SETX: variants seen among roughly 807,000 people sequenced by gnomAD.
SETX encodes senataxin.
A neutral mutation model predicts 227.2 loss-of-function variants in SETX; 90 were observed. The ratio of observed to expected loss-of-function variants is 0.40; its 90% confidence interval spans 0.33 to 0.47. The LOEUF is 0.47. Ranked by LOEUF, SETX falls within the 20% of genes least tolerant of loss-of-function variation. The pLI, the probability that SETX is intolerant of heterozygous loss-of-function variation, is 0.91. For synonymous variants in SETX, 1,210 were observed against 1,113.2 expected (o/e 1.09, Z -1.73); for missense variants, 3,052 against 3,181.5 (o/e 0.96, Z 0.98).
At chr9:132,355,155 C>A (rs1848847216), upstream of SETX, among the ~76,000 whole-genome samples, 1 of 152,126 alleles carries the variant, frequency 6.6e-6, no homozygotes, top group Non-Finnish European at 1.5e-5. Flanking sequence ...CCACGCCGGG[C>A]GCTGGCGTCA....
At chr9:132,319,809 G>C (rs1040480094) in intron 10 of SETX, among the ~76,000 whole-genome samples, 1 of 152,106 alleles carries the variant, frequency 6.6e-6, no homozygotes, top group African/African-American at 2.4e-5. Flanking sequence ...CACAGAAATA[G>C]AGCCATCTCC....
chr9:132,330,385 T>C lies in SETX; in HGVS notation c.1213A>G (p.Asn405Asp), dbSNP rs747954079. ...SDIGQDMRVH[N>D]STFLWFIPFV... The stretch of plus-strand genomic sequence containing the variant: ...GGGATGAACCATAGAAATGTGCTGT[T>C]ATGAACACGCATGTCTTGACCAATA... Residue 405 changes from asparagine to aspartate, a missense_variant, in exon 10 of 26, where the codon AAC (asparagine) becomes GAC (aspartate). Asn to Asp is a conservative substitution (Grantham distance 23). This residue lies in a region of SETX where 39 missense variants were observed against 84.8 expected (regional missense o/e 0.46). Coordinates refer to ENST00000224140, the MANE Select transcript of SETX (RefSeq NM_015046.7). 6.2e-7 allele frequency: 1 copy of C among 1,614,176 alleles called. No homozygotes were observed. The highest frequency in any genetic ancestry group is 2.2e-5 in the East Asian group (1 of 44,882).
At chr9:132,274,588 C>A (rs1018724834) in intron 23 of SETX, among the ~76,000 whole-genome samples, 1 of 151,734 alleles carries the variant, frequency 6.6e-6, no homozygotes, top group Non-Finnish European at 1.5e-5. Flanking sequence ...ACTACGGGAG[C>A]GCGCCACCAC....
Position 132,329,197 on chromosome 9 carries a change from T to C in SETX, c.2401A>G (p.Lys801Glu), listed in dbSNP as rs149718424. The change falls in exon 10 of 26, where the codon AAG becomes GAG. Residue 801 changes from lysine (K) to glutamate (E), a missense_variant. Transcript: ENST00000224140. ...ATAGTATTATCGACCAAAGTACTCT[T>C]CCTGTGTTGCTTCTTTATTACATGT... ...LSHVIKKQHR[K>E]STLVDNTINL... is the part of the protein sequence containing the mutation. The C allele has an allele frequency of 3.9e-4, 623 of 1,613,712 alleles. 3 individuals carry two copies. In the African/African-American group the frequency reaches 6.6e-3, roughly 17 times the overall value.
intron 15 of SETX, among the ~76,000 whole-genome samples, chr9:132,293,745 G>A (rs1020734250): frequency 1.3e-5 from 2 of 152,120 alleles, no homozygotes; most frequent in African/African-American, 4.8e-5. Flanking sequence ...AAATAAGGCT[G>A]GACGTGGTGG....
In SETX at chr9:132,330,472, G is replaced by A; in HGVS notation, c.1126C>T (p.Pro376Ser). Reference protein sequence around the residue: ...KDSGWRTAICPDYCPNMYEEM... With the variant: ...KDSGWRTAICSDYCPNMYEEM... ...TCATACATGTTAGGACAATAATCTG[G>A]GCAAATGGCTGTTCTCCATCCAGAA... The change falls in exon 10 of 26, where the codon CCA becomes TCA. Residue 376 changes from proline (P) to serine (S), a missense_variant. By Grantham distance (74) the Pro-to-Ser change is moderately conservative (BLOSUM62 -1). Around this residue, in one of 10 missense-constraint regions of SETX, gnomAD observed 39 missense variants for 84.8 expected, o/e 0.46. Transcript: ENST00000224140. 1 of 1,613,338 alleles carries A rather than the reference G, an allele frequency of 6.2e-7. No homozygotes were observed. Among genetic ancestry groups the A allele is most frequent in the Non-Finnish European group, 8.5e-7 (1 of 1,179,966 alleles).
chr9:132,336,564 A>G (rs999014184), intron 5 of SETX, 49 bp from the exon 6 acceptor site: 2 of 1,292,758 alleles, frequency 1.5e-6, no homozygotes, highest in South Asian at 1.2e-5. Context: ...AATGGTCTAC[A>G]AACAGCAAGA....
At chr9:132,345,120 T>C (rs1010072757) in intron 4 of SETX, among the ~76,000 whole-genome samples, 5 of 152,110 alleles carry the variant, frequency 3.3e-5, no homozygotes, top group East Asian at 3.9e-4. Context: ...ACAAAGGAGA[T>C]AGGGAGTGCT....
intron 18 of SETX, 78 bp downstream of exon 18, chr9:132,286,345 G>A: frequency 2.9e-6 from 3 of 1,032,630 alleles, no homozygotes; most frequent in Non-Finnish European, 2.9e-6. Context: ...AAAGCCCATA[G>A]CTTGTCTGAA....
At chr9:132,266,839 G>A (rs1842676428) in intron 25 of SETX, among the ~76,000 whole-genome samples, 1 of 152,140 alleles carries the variant, frequency 6.6e-6, no homozygotes, top group Non-Finnish European at 1.5e-5. Flanking sequence ...TGGAGACAAT[G>A]GTGTAACTCT....
intron 4 of SETX, among the ~76,000 whole-genome samples, 170 bp downstream of exon 4, chr9:132,346,089 GTA>G (rs1848269383): frequency 6.6e-6 from 1 of 152,006 alleles, no homozygotes; most frequent in Non-Finnish European, 1.5e-5. Context: ...CCAAAAATAG[GTA>G]TTTTGTGTTT....
At chr9:132,335,563 A>T (rs1199095738) in intron 6 of SETX, among the ~76,000 whole-genome samples, 2 of 151,832 alleles carry the variant, frequency 1.3e-5, no homozygotes, top group East Asian at 3.9e-4. Flanking sequence ...CTGCAGCTTC[A>T]AATTCCTGGG....
chr9:132,273,050 T>G (rs899903870), intron 23 of SETX, among the ~76,000 whole-genome samples: 12 of 152,048 alleles, frequency 7.9e-5, no homozygotes, highest in Admixed American at 7.2e-4. Flanking sequence ...CTGGGCAACT[T>G]AGGAAGACCT....
At chr9:132,294,417 G>C (rs1049366533) in intron 15 of SETX, among the ~76,000 whole-genome samples, 5 of 152,202 alleles carry the variant, frequency 3.3e-5, no homozygotes, top group African/African-American at 9.7e-5. Context: ...ACACCCTATA[G>C]CAGTTAATAT....
At chr9:132,270,605 G>C (rs1243268604) in intron 24 of SETX, among the ~76,000 whole-genome samples, 1 of 152,210 alleles carries the variant, frequency 6.6e-6, no homozygotes, top group Non-Finnish European at 1.5e-5. Context: ...CCTTCAAAGT[G>C]ATGCATCTAT....
chr9:132,275,134 C>T, intron 23 of SETX, 122 bp downstream of exon 23: 1 of 1,051,114 alleles, frequency 9.5e-7, no homozygotes, highest in Non-Finnish European at 1.5e-6. Context: ...TCCCAGCTTC[C>T]TCGTGCCGTA....
In SETX at chr9:132,328,143, A is replaced by C. The variant is rs3739922; in HGVS notation, c.3455T>G (p.Phe1152Cys). ...TRPRSISVEE[F>C]CEIEVKKPKR... ...AGGCTTTTTTACTTCAATTTCACAA[A>C]ATTCTTCAACAGAAATACTCCGTGG... Residue 1152 changes from phenylalanine to cysteine, a missense_variant, in exon 10 of 26, where the codon TTT (phenylalanine) becomes TGT (cysteine). By Grantham distance (205) the Phe-to-Cys change is radical. This residue lies in a region of SETX where 1,483 missense variants were observed against 1,312.0 expected (regional missense o/e 1.13). Coordinates refer to ENST00000224140, the MANE Select transcript of SETX (RefSeq NM_015046.7). 0.046 allele frequency: 73,483 copies of C among 1,613,922 alleles called. 2,842 individuals carry two copies. Among genetic ancestry groups the C allele is most frequent in the East Asian group, 0.25 (11,144 of 44,872 alleles).
At chr9:132,307,506 A>G (rs534155051) in intron 11 of SETX, among the ~76,000 whole-genome samples, 1 of 152,244 alleles carries the variant, frequency 6.6e-6, no homozygotes, top group South Asian at 2.1e-4. Context: ...CTGTAAGCTC[A>G]GTTATGGGAT....
Position 132,330,238 on chromosome 9 carries a change from C to G in SETX, c.1360G>C (p.Val454Leu), listed in dbSNP as rs749069010. ...AAAATTAGAAGAAAAAATTCAGTGA[C>G]TTTGTCACACACAGCATCTGTTTGG... ...LNQTDAVCDK[V>L]TEFFLLILVS... Residue 454 changes from valine to leucine, a missense_variant, in exon 10 of 26, where the codon GTC (valine) becomes CTC (leucine). Val to Leu is a conservative substitution (Grantham distance 32). Around this residue, in one of 10 missense-constraint regions of SETX, gnomAD observed 179 missense variants for 197.1 expected, o/e 0.91. Coordinates refer to ENST00000224140, the MANE Select transcript of SETX (RefSeq NM_015046.7). The G allele has an allele frequency of 6.4e-7, 1 of 1,571,256 alleles. No homozygotes were observed. The highest frequency in any genetic ancestry group is 8.6e-7 in the Non-Finnish European group (1 of 1,158,696).
Sources: allele counts gnomAD v4.1 joint callset (sites outside exome capture counted in the v4.1 genomes callset), GRCh38; gene constraint gnomAD v4.1.1; regional missense constraint gnomAD v4.1.1; transcripts MANE v1.5; gene names NCBI Gene and HGNC (gene_info 2026-07-23, HGNC 2026-07-21).